The following MAGI1 variants were observed in gnomAD, a reference collection of about 807,000 sequenced individuals.
The protein encoded by MAGI1 is membrane associated guanylate kinase, WW and PDZ domain containing 1.
In MAGI1, 58 loss-of-function variants were observed where a neutral mutation model predicts 139.9. The observed-to-expected ratio is 0.41, with a 90% confidence interval of 0.34 to 0.52. The LOEUF (loss-of-function observed/expected upper bound fraction) is 0.52. Among genes scored for constraint, MAGI1 ranks in the 20% least tolerant of loss-of-function variants. The pLI is 0.12. For synonymous variants in MAGI1, 812 were observed against 737.9 expected (o/e 1.10, Z -1.63); for missense variants, 1,874 against 1,901.6 (o/e 0.99, Z 0.27).
At chr3:65,649,879 G>C (rs1402150803) in intron 1 of MAGI1, among the ~76,000 whole-genome samples, 2 of 152,168 alleles carry the variant, frequency 1.3e-5, no homozygotes, top group Non-Finnish European at 2.9e-5. Context: ...ACAGAAAGCT[G>C]GATCACTCAT....
chr3:65,583,933 A>T (rs929026058), intron 2 of MAGI1, among the ~76,000 whole-genome samples: 2 of 152,106 alleles, frequency 1.3e-5, no homozygotes, highest in Non-Finnish European at 2.9e-5. Context: ...GATCACAAGA[A>T]TATGAAAGGC....
chr3:65,367,781 CAT>C (rs1289164234), intron 18 of MAGI1, among the ~76,000 whole-genome samples: 14 of 152,274 alleles, frequency 9.2e-5, no homozygotes, highest in African/African-American at 3.4e-4. Context: ...ACGTAGGAAT[CAT>C]GTGTTGGTAT....
intron 11 of MAGI1, 53 bp from the exon 12 acceptor site, chr3:65,430,193 A>T (rs13075216): frequency 6.4e-7 from 1 of 1,570,886 alleles, no homozygotes; most frequent in Non-Finnish European, 8.7e-7. Flanking sequence ...GAAAATTGTC[A>T]TCAGTATTAT....
intron 1 of MAGI1, among the ~76,000 whole-genome samples, chr3:65,659,058 T>C (rs1408600614): frequency 6.6e-6 from 1 of 152,130 alleles, no homozygotes; most frequent in Non-Finnish European, 1.5e-5. Flanking sequence ...ATTCCTATTT[T>C]ATAGAAGAAA....
At chr3:65,413,423 T>G (rs1025425717) in intron 12 of MAGI1, among the ~76,000 whole-genome samples, 1 of 152,190 alleles carries the variant, frequency 6.6e-6, no homozygotes. Flanking sequence ...TTATTCAAAG[T>G]GTCTGCAAGT....
intron 1 of MAGI1, among the ~76,000 whole-genome samples, chr3:65,806,879 C>T (rs1305526619): frequency 6.6e-6 from 1 of 152,140 alleles, no homozygotes; most frequent in Non-Finnish European, 1.5e-5. Flanking sequence ...AGGGAGGAGA[C>T]AGTGCAATAA....
At chr3:65,651,383 T>C (rs1171605605) in intron 1 of MAGI1, among the ~76,000 whole-genome samples, 1 of 152,192 alleles carries the variant, frequency 6.6e-6, no homozygotes, top group Non-Finnish European at 1.5e-5. Context: ...AAGTAGCCAG[T>C]AGAGCCATAC....
intron 1 of MAGI1, among the ~76,000 whole-genome samples, chr3:65,741,332 G>A (rs553387910): frequency 3.3e-5 from 5 of 152,106 alleles, no homozygotes; most frequent in South Asian, 2.1e-4. Flanking sequence ...CCGCCACCAC[G>A]CTTGGCTAAT....
At chr3:65,675,678 T>C (rs1181404035) in intron 1 of MAGI1, among the ~76,000 whole-genome samples, 12 of 152,314 alleles carry the variant, frequency 7.9e-5, no homozygotes, top group Non-Finnish European at 1.8e-4. Context: ...CAGCGGCACA[T>C]GTACCTCTAG....
At chr3:65,415,216 A>T (rs556017891) in intron 12 of MAGI1, among the ~76,000 whole-genome samples, 7 of 151,978 alleles carry the variant, frequency 4.6e-5, no homozygotes, top group Non-Finnish European at 1.0e-4. Flanking sequence ...CTTCCTTTTC[A>T]CCTTCCCTAA....
chr3:65,971,353 G>A (rs1313171454), intron 1 of MAGI1, among the ~76,000 whole-genome samples: 4 of 152,102 alleles, frequency 2.6e-5, no homozygotes, highest in Non-Finnish European at 5.9e-5. Context: ...AAGTGATGTT[G>A]AGCCTGAAGA....
intron 2 of MAGI1, among the ~76,000 whole-genome samples, chr3:65,545,234 G>A (rs559354633): frequency 6.6e-6 from 1 of 152,168 alleles, no homozygotes; most frequent in East Asian, 1.9e-4. Flanking sequence ...AAAGAAACTT[G>A]AGAAATGGAA....
intron 1 of MAGI1, among the ~76,000 whole-genome samples, chr3:65,965,193 GAGACC>G (rs2064679520): frequency 6.6e-6 from 1 of 152,170 alleles, no homozygotes; most frequent in Non-Finnish European, 1.5e-5. Flanking sequence ...ATTGTCAATG[GAGACC>G]AGACATACAA....
At chr3:65,668,562 C>CTTTTTTTTTTTT (rs58434479) in intron 1 of MAGI1, among the ~76,000 whole-genome samples, 15 of 79,892 alleles carry the variant, frequency 1.9e-4, no homozygotes, top group African/African-American at 5.9e-4. Flanking sequence ...CCTTTTTTTT[C>CTTTTTTTTTTTT]TTTTTTTTTT....
At chr3:66,011,373 ATG>A (rs769507462) in intron 1 of MAGI1, among the ~76,000 whole-genome samples, 43 of 152,272 alleles carry the variant, frequency 2.8e-4, no homozygotes, top group Middle Eastern at 3.4e-3. Flanking sequence ...CACTTCCCAG[ATG>A]TGTGTTCTTG....
intron 1 of MAGI1, among the ~76,000 whole-genome samples, chr3:65,921,038 AAAC>A (rs1388682436): frequency 3.3e-5 from 5 of 152,216 alleles, no homozygotes; most frequent in African/African-American, 1.2e-4. Flanking sequence ...CAAAAAAAAA[AAAC>A]AAAATGGAAT....
intron 1 of MAGI1, among the ~76,000 whole-genome samples, chr3:65,915,031 C>T (rs141460118): frequency 3.9e-4 from 60 of 152,328 alleles, no homozygotes; most frequent in African/African-American, 1.3e-3. Context: ...TTTAGGCTAG[C>T]ATTATAATGC....
In MAGI1 at chr3:65,912,402, A is replaced by G. The variant is rs1290780418; in HGVS notation, c.313+125594T>C. Among the ~76,000 whole-genome samples the G allele has an allele frequency of 2.6e-5, 4 of 152,306 alleles. No individual in the cohort carries two copies. In the East Asian group the frequency reaches 7.7e-4, roughly 29 times the overall value. Reference sequence around the variant, plus strand: ...CCCAGTCTGGGATTAAAAACTAGCTACAAAGGGATAATTCACACATGGATC... The same window carrying G: ...CCCAGTCTGGGATTAAAAACTAGCTGCAAAGGGATAATTCACACATGGATC... On this transcript the variant is annotated intron_variant, in intron 1 of 22. Coordinates refer to ENST00000402939, the MANE Select transcript of MAGI1 (RefSeq NM_001033057.2).
intron 1 of MAGI1, among the ~76,000 whole-genome samples, chr3:66,015,890 T>C (rs2067611786): frequency 6.6e-6 from 1 of 152,220 alleles, no homozygotes; most frequent in Admixed American, 6.5e-5. Context: ...TCATCATTTG[T>C]AGCTTCCTAC....
Sources: gnomAD v4.1 joint callset for allele counts (sites outside exome capture counted in the v4.1 genomes callset) on GRCh38, gnomAD v4.1.1 for gene constraint, MANE v1.5 for transcripts, NCBI Gene and HGNC (gene_info 2026-07-23, HGNC 2026-07-21) for gene names.